C1QL1: variants seen among roughly 807,000 people sequenced by gnomAD.
The protein encoded by C1QL1 is C1q-related factor.
A neutral mutation model predicts 14.2 loss-of-function variants in C1QL1; 15 were observed. The observed-to-expected ratio is 1.06, with a 90% CI of 0.71 to 1.62. The LOEUF (loss-of-function observed/expected upper bound fraction) is 1.62. C1QL1 is among the 40% of genes most tolerant of loss of function. The probability of loss-of-function intolerance (pLI) is 0.00; values close to 1 mark genes in which losing one functional copy is unlikely to be tolerated. For missense variants in C1QL1, 346 were observed against 380.3 expected, an observed-to-expected ratio of 0.91 and a Z score of 0.75; for synonymous variants, 172 against 172.4, an observed-to-expected ratio of 1.00 and a Z score of 0.02.
intron 1 of C1QL1, among the ~76,000 whole-genome samples, chr17:44,963,388 C>T (rs1486559132): frequency 6.6e-6 from 1 of 152,146 alleles, no homozygotes; most frequent in East Asian, 1.9e-4. Context: ...GCCAGGGGGC[C>T]ATCTGCCACC....
At chr17:44,961,768 C>G (rs1220430056) in intron 1 of C1QL1, among the ~76,000 whole-genome samples, 1 of 151,148 alleles carries the variant, frequency 6.6e-6, no homozygotes, top group Non-Finnish European at 1.5e-5. Context: ...CGCCTGTAGT[C>G]CCAGCTACTG....
Position 44,960,107 on chromosome 17 carries a change from G to C in C1QL1, c.*81C>G. ...GGAGGGCCGGGCAGCGAGCGGGTGG[G>C]CGAGGGGCGAGTCATCGTCTGCCCC... On this transcript the variant is annotated 3_prime_UTR_variant, in exon 2 of 2. Transcript: ENST00000253407. 3 of 1,300,232 alleles carry C rather than the reference G, an allele frequency of 2.3e-6. No individual in the cohort carries two copies. The South Asian group carries it at 3.8e-5, about 17-fold the overall frequency. 80.5% of individuals were successfully genotyped at this position (1,300,232 alleles called of 1,614,324 possible). A position where few individuals can be genotyped will look rare whatever the true frequency, so the allele number is the denominator to read the frequency against.
rs765052113 is a variant in C1QL1, at chr17:44,967,417, G to A, written c.597+35C>T. 7.4e-5 allele frequency: 118 copies of A among 1,601,706 alleles called. No individual in the cohort carries two copies. Among genetic ancestry groups the A allele is most frequent in the Non-Finnish European group, 9.7e-5 (114 of 1,173,880 alleles). On this transcript the variant is annotated intron_variant, in intron 1 of 1. Coordinates refer to ENST00000253407, the MANE Select transcript of C1QL1 (RefSeq NM_006688.5). The surrounding 1 kb of genome is among the most constrained non-coding windows in gnomAD (Gnocchi z 7.0). Reference sequence around the variant, plus strand: ...TGCCCCGGGCTCCCTGGGTGCCCTGGGCCCAGCCCAGCCCCATGCCCCCGC... The same window carrying A: ...TGCCCCGGGCTCCCTGGGTGCCCTGAGCCCAGCCCAGCCCCATGCCCCCGC...
chr17:44,968,027 G>A lies in C1QL1; in HGVS notation c.22C>T (p.Leu8Phe). 2 of 1,359,304 alleles carry A rather than the reference G, an allele frequency of 1.5e-6. No individual in the cohort carries two copies. The highest frequency in any genetic ancestry group is 1.8e-5 in the South Asian group (1 of 54,770). 84.2% of individuals were successfully genotyped at this position (1,359,304 alleles called of 1,614,324 possible). Residue 8 changes from leucine (L) to phenylalanine (F), a missense_variant, in exon 1 of 2, where the codon CTC becomes TTC. Physicochemically the swap from Leu to Phe is conservative, Grantham distance 22. Transcript: ENST00000253407. Reference sequence around the variant, plus strand: ...CCCGAGCTCACCAGCACGGGGATGAGCACCACCAGCACCAGCAGCATCACC... The same window carrying A: ...CCCGAGCTCACCAGCACGGGGATGAACACCACCAGCACCAGCAGCATCACC... Reference protein sequence around the residue: MLLVLVVLIPVLVSSGGP... With the variant: MLLVLVVFIPVLVSSGGP...
In C1QL1 at chr17:44,967,534, C is replaced by G; in HGVS notation, c.515G>C (p.Gly172Ala). The G allele has an allele frequency of 6.2e-7, 1 of 1,614,068 alleles. No individual in the cohort carries two copies. Among genetic ancestry groups the G allele is most frequent in the Non-Finnish European group, 8.5e-7 (1 of 1,179,932 alleles). Residue 172 changes from glycine to alanine, a missense_variant, in exon 1 of 2, where the codon GGC becomes GCC. Physicochemically the swap from Gly to Ala is moderately conservative, Grantham distance 60. Coordinates refer to ENST00000253407, the MANE Select transcript of C1QL1 (RefSeq NM_006688.5). The surrounding 1 kb of genome is among the most constrained non-coding windows in gnomAD (Gnocchi z 7.0). ...GACATGGTAGGTGAAAAAGTAGGTGCCGGGAATGTTGCACGTAAACTTGCC... is the reference window on the plus strand; with the variant it reads ...GACATGGTAGGTGAAAAAGTAGGTGGCGGGAATGTTGCACGTAAACTTGCC... ...ASGKFTCNIPGTYFFTYHVLM... is the reference protein window; with the variant it reads ...ASGKFTCNIPATYFFTYHVLM...
chr17:44,960,040 GC>G lies in C1QL1; in HGVS notation c.*147del, dbSNP rs2052618673. Reference sequence around the variant, plus strand: ...GAGCCGGTGGGAGGGCCTAGCTGTGGCCCAGGCGGTGTTGAGCACGGGCCGG... The same window carrying G: ...GAGCCGGTGGGAGGGCCTAGCTGTGGCCAGGCGGTGTTGAGCACGGGCCGG... On this transcript the variant is annotated 3_prime_UTR_variant, in exon 2 of 2. Transcript: ENST00000253407. 1.4e-6 allele frequency: 1 copy of G among 713,484 alleles called. No individual in the cohort carries two copies. Among genetic ancestry groups the G allele is most frequent in the Non-Finnish European group, 2.4e-6 (1 of 408,580 alleles). The allele number at this position is 713,484 out of a possible 1,614,324, so 44.2% of individuals were successfully genotyped here. A position where few individuals can be genotyped will look rare whatever the true frequency, so the allele number is the denominator to read the frequency against.
chr17:44,968,052 C>G lies in C1QL1; in HGVS notation c.-4G>C. ...GCACCACCAGCACCAGCAGCATCACCACACCCGCGGCGGCCGCTAGCAGCG... is the reference window on the plus strand; with the variant it reads ...GCACCACCAGCACCAGCAGCATCACGACACCCGCGGCGGCCGCTAGCAGCG... On this transcript the variant is annotated 5_prime_UTR_variant, in exon 1 of 2. Coordinates refer to ENST00000253407, the MANE Select transcript of C1QL1 (RefSeq NM_006688.5). 1 of 1,321,408 alleles carries G rather than the reference C, an allele frequency of 7.6e-7. No homozygotes were observed. The highest frequency in any genetic ancestry group is 2.2e-5 in the South Asian group (1 of 45,500). The allele number at this position is 1,321,408 out of a possible 1,614,324, so 81.9% of individuals were successfully genotyped here.
rs972258483 is a variant in C1QL1 at position 44,967,080 on chromosome 17, T to A, written c.597+372A>T. Among the ~76,000 whole-genome samples, 7 of 152,158 alleles carry A rather than the reference T, an allele frequency of 4.6e-5. No homozygotes were observed. Among genetic ancestry groups the A allele is most frequent in the African/African-American group, 7.2e-5 (3 of 41,438 alleles). Reference sequence around the variant, plus strand: ...TCCCTGTTCCATACGCCAGAGCCCATCCTTGCCCTCCCCTTATCGCCCACT... The same window carrying A: ...TCCCTGTTCCATACGCCAGAGCCCAACCTTGCCCTCCCCTTATCGCCCACT... On this transcript the variant is annotated intron_variant, in intron 1 of 1. Coordinates refer to ENST00000253407, the MANE Select transcript of C1QL1 (RefSeq NM_006688.5). The surrounding 1 kb of genome is among the most constrained non-coding windows in gnomAD (Gnocchi z 7.0).
intron 1 of C1QL1, among the ~76,000 whole-genome samples, chr17:44,961,347 C>T (rs980423636): frequency 6.6e-6 from 1 of 152,162 alleles, no homozygotes; most frequent in Admixed American, 6.5e-5. Context: ...GATCCCAGCA[C>T]TTTGGGAGGC....
intron 1 of C1QL1, among the ~76,000 whole-genome samples, chr17:44,965,076 G>A (rs187251848): frequency 7.0e-4 from 106 of 151,646 alleles, no homozygotes; most frequent in African/African-American, 2.5e-3. Flanking sequence ...GCAGTGGCGC[G>A]ATCTCAGCTC....
intron 1 of C1QL1, among the ~76,000 whole-genome samples, chr17:44,963,265 G>T (rs1041703208): frequency 6.6e-6 from 1 of 152,020 alleles, no homozygotes; most frequent in African/African-American, 2.4e-5. Flanking sequence ...CCATAGGGGA[G>T]CCAGCCTGGC....
chr17:44,960,067 G>A lies in C1QL1; in HGVS notation c.*121C>T. ...CCAGGCGGTGTTGAGCACGGGCCGGGGGCGTCATAGCCGGGGAGGGCCGGG... is the reference window on the plus strand; with the variant it reads ...CCAGGCGGTGTTGAGCACGGGCCGGAGGCGTCATAGCCGGGGAGGGCCGGG... On this transcript the variant is annotated 3_prime_UTR_variant, in exon 2 of 2. Coordinates refer to ENST00000253407, the MANE Select transcript of C1QL1 (RefSeq NM_006688.5). 1.1e-6 allele frequency: 1 copy of A among 878,404 alleles called. No individual in the cohort carries two copies. Among genetic ancestry groups the A allele is most frequent in the East Asian group, 2.4e-5 (1 of 41,170 alleles). The allele number at this position is 878,404 out of a possible 1,614,324, so 54.4% of individuals were successfully genotyped here.
In C1QL1 at chr17:44,959,965, C is replaced by T. The variant is rs1429979130; in HGVS notation, c.*223G>A. On this transcript the variant is annotated 3_prime_UTR_variant, in exon 2 of 2. Transcript: ENST00000253407. ...GCGCGGGCTGGGCGGGGGCGGTCAA[C>T]CCCGGTTCCCTGGCACGGGGACAGG... The T allele has an allele frequency of 1.4e-5, 8 of 557,478 alleles. No homozygotes were observed. The East Asian group carries it at 2.6e-4, about 18-fold the overall frequency. 34.5% of individuals were successfully genotyped at this position (557,478 alleles called of 1,614,324 possible).
At chr17:44,965,596 C>T (rs1286324270) in intron 1 of C1QL1, among the ~76,000 whole-genome samples, 1 of 152,240 alleles carries the variant, frequency 6.6e-6, no homozygotes, top group Non-Finnish European at 1.5e-5. Context: ...TGTCAACACC[C>T]TGCCCCTGCT....
chr17:44,965,717 C>T (rs1055628244), intron 1 of C1QL1, among the ~76,000 whole-genome samples: 3 of 152,236 alleles, frequency 2.0e-5, no homozygotes, highest in Non-Finnish European at 4.4e-5. Context: ...CTCTGGGGAC[C>T]TGCTGGGACT....
Position 44,967,722 on chromosome 17 carries a change from C to A in C1QL1, c.327G>T (p.Gly109=), listed in dbSNP as rs1411934121. The change falls in exon 1 of 2, where the codon GGG becomes GGT. Residue 109 remains glycine, a synonymous_variant. Transcript: ENST00000253407. This position sits in a 1 kb window ranked among gnomAD's most constrained non-coding sequence, Gnocchi z 7.0. ...KGEPGKPGPP[G]LPGAGGSGAI... ...CGCCGCTGCCCCCCGCGCCCGGCAGCCCCGGAGGGCCCGGCTTGCCTGGCT... is the reference window on the plus strand; with the variant it reads ...CGCCGCTGCCCCCCGCGCCCGGCAGACCCGGAGGGCCCGGCTTGCCTGGCT... The A allele has an allele frequency of 6.2e-7, 1 of 1,606,534 alleles. No homozygotes were observed. Among genetic ancestry groups the A allele is most frequent in the African/African-American group, 1.3e-5 (1 of 74,750 alleles).
intron 1 of C1QL1, among the ~76,000 whole-genome samples, chr17:44,960,911 G>T (rs2052624288): frequency 6.6e-6 from 1 of 152,226 alleles, no homozygotes; most frequent in African/African-American, 2.4e-5. Flanking sequence ...CTGGAACCAG[G>T]GCCAGGTCTT....
chr17:44,961,755 G>A (rs1394444745), intron 1 of C1QL1, among the ~76,000 whole-genome samples: 16 of 151,054 alleles, frequency 1.1e-4, no homozygotes, highest in Non-Finnish European at 2.1e-4. Context: ...GCGCGGTGGC[G>A]GGCGCCTGTA....
At position 44,967,844 on chromosome 17, in the gene C1QL1, G is replaced by T; in HGVS notation, c.205C>A (p.Gln69Lys). 3 of 1,371,120 alleles carry T rather than the reference G, an allele frequency of 2.2e-6. No individual in the cohort carries two copies. The highest frequency in any genetic ancestry group is 2.8e-6 in the Non-Finnish European group (3 of 1,073,560). The allele number at this position is 1,371,120 out of a possible 1,614,324, so 84.9% of individuals were successfully genotyped here. ...TTGCCGGTGCGGCCCGGCTTCCCCT[G>T]GGGGCCCTGCACCAGCGTGGAAGGC... The part of the protein sequence containing the change: ...PPPSTLVQGP[Q>K]GKPGRTGKPG... The change falls in exon 1 of 2, where the codon CAG becomes AAG. Residue 69 changes from glutamine (Q) to lysine (K), a missense_variant. Coordinates refer to ENST00000253407, the MANE Select transcript of C1QL1 (RefSeq NM_006688.5). The surrounding 1 kb of genome is among the most constrained non-coding windows in gnomAD (Gnocchi z 7.0).
Sources: gnomAD v4.1 joint callset for allele counts (sites outside exome capture counted in the v4.1 genomes callset) on GRCh38, gnomAD v4.1.1 for gene constraint, Gnocchi (gnomAD v3.1) non-coding constraint, MANE v1.5 for transcripts, NCBI Gene and HGNC (gene_info 2026-07-23, HGNC 2026-07-21) for gene names.